Variants in TNPO3 observed in about 807,000 individuals in gnomAD.
TNPO3 encodes the protein transportin 3, also known as transportin-3.
A neutral mutation model predicts 122.8 loss-of-function variants in TNPO3; 65 were observed. That is an observed-to-expected ratio of 0.53 (90% CI 0.43 to 0.65). The LOEUF (loss-of-function observed/expected upper bound fraction) is 0.65, where lower values mean the gene tolerates loss of function less well. TNPO3 is among the 30% of genes least tolerant of loss of function. TNPO3 has a pLI of 0.00. For synonymous variants in TNPO3, 372 were observed against 411.2 expected (o/e 0.90, Z 1.15); for missense variants, 850 against 1,136.7 (o/e 0.75, Z 3.63).
At chr7:129,015,229 AG>A (rs1342530688) in intron 3 of TNPO3, 94 bp from the exon 4 acceptor site, 32 of 1,283,038 alleles carry the variant, frequency 2.5e-5, no homozygotes, top group Non-Finnish European at 3.4e-5. Context: ...CAACAACAAA[AG>A]CAACATTCCC....
intron 5 of TNPO3, among the ~76,000 whole-genome samples, chr7:129,003,227 AAAAT>A (rs1584565979): frequency 6.6e-6 from 1 of 151,416 alleles, no homozygotes; most frequent in South Asian, 2.1e-4. Flanking sequence ...CTCTGTCTCA[AAAAT>A]AAATAAATAA....
At chr7:128,998,248 TA>T (rs1239976634) in intron 7 of TNPO3, among the ~76,000 whole-genome samples, 2 of 152,028 alleles carry the variant, frequency 1.3e-5, no homozygotes, top group African/African-American at 4.8e-5. Flanking sequence ...TATTCCCAGC[TA>T]CTCAGGAGGC....
chr7:128,980,783 T>C (rs1164293650), intron 14 of TNPO3, among the ~76,000 whole-genome samples: 1 of 152,172 alleles, frequency 6.6e-6, no homozygotes, highest in Non-Finnish European at 1.5e-5. Flanking sequence ...CAAAAAAATA[T>C]ACACAGGTTG....
At chr7:129,000,666 T>A in intron 6 of TNPO3, 99 bp from the exon 7 acceptor site, 1 of 1,207,282 alleles carries the variant, frequency 8.3e-7, no homozygotes, top group Non-Finnish European at 1.2e-6. Flanking sequence ...TTCCTCAGTC[T>A]AAGGGACATC....
chr7:128,979,014 G>A lies in TNPO3; in HGVS notation c.2030C>T (p.Ser677Phe). 1 of 1,614,178 alleles carries A rather than the reference G, an allele frequency of 6.2e-7. No individual in the cohort carries two copies. Among genetic ancestry groups the A allele is most frequent in the Non-Finnish European group, 8.5e-7 (1 of 1,180,014 alleles). Reference sequence around the variant, plus strand: ...GACTAGTGGCTGCAGCAGTGCTGCAGATCCTTTGCCTACACAGCGAACAGC... The same window carrying A: ...GACTAGTGGCTGCAGCAGTGCTGCAAATCCTTTGCCTACACAGCGAACAGC... ...RFAVRCVGKG[S>F]AALLQPLVTQ... Residue 677 changes from serine to phenylalanine, a missense_variant, in exon 16 of 23, where the codon TCT becomes TTT. Transcript: ENST00000265388.
chr7:129,019,956 A>G (rs1474731233), intron 1 of TNPO3, among the ~76,000 whole-genome samples: 1 of 152,064 alleles, frequency 6.6e-6, no homozygotes, highest in East Asian at 1.9e-4. Flanking sequence ...AGATTACACC[A>G]CCACACTCCA....
intron 21 of TNPO3, among the ~76,000 whole-genome samples, chr7:128,966,432 G>A (rs552092246): frequency 6.6e-6 from 1 of 152,222 alleles, no homozygotes; most frequent in African/African-American, 2.4e-5. Context: ...AAGACTATCA[G>A]GGCAAAGGAA....
chr7:129,021,728 G>A (rs1306085929), intron 1 of TNPO3, among the ~76,000 whole-genome samples: 1 of 152,058 alleles, frequency 6.6e-6, no homozygotes, highest in African/African-American at 2.4e-5. Flanking sequence ...TAAAAACCTA[G>A]CCTATTACTT....
intron 4 of TNPO3, among the ~76,000 whole-genome samples, chr7:129,005,919 T>C (rs1459781915): frequency 6.6e-6 from 1 of 151,778 alleles, no homozygotes; most frequent in African/African-American, 2.4e-5. Flanking sequence ...GTGGCTGGGA[T>C]TACAGATGCA....
chr7:129,028,404 A>C (rs1178443328), intron 1 of TNPO3, among the ~76,000 whole-genome samples: 1 of 152,186 alleles, frequency 6.6e-6, no homozygotes, highest in Non-Finnish European at 1.5e-5. Flanking sequence ...CTTACATTAA[A>C]AAAGAAAAAA....
chr7:129,008,782 G>A, intron 4 of TNPO3, among the ~76,000 whole-genome samples: 1 of 152,164 alleles, frequency 6.6e-6, no homozygotes, highest in East Asian at 1.9e-4. Context: ...AATCTTTGAT[G>A]CTGTTGATAT....
chr7:128,992,487 A>G (rs991080001), intron 9 of TNPO3, among the ~76,000 whole-genome samples: 2 of 152,168 alleles, frequency 1.3e-5, no homozygotes, highest in Non-Finnish European at 2.9e-5. Flanking sequence ...TGTTTTAACT[A>G]CTTGTCTGCA....
At chr7:129,024,894 C>T (rs1804927502) in intron 1 of TNPO3, among the ~76,000 whole-genome samples, 1 of 152,046 alleles carries the variant, frequency 6.6e-6, no homozygotes. Context: ...CCCAGCTACT[C>T]AGGAGGCTGA....
chr7:129,032,800 A>C (rs1806103183), intron 1 of TNPO3, among the ~76,000 whole-genome samples: 1 of 152,200 alleles, frequency 6.6e-6, no homozygotes, highest in African/African-American at 2.4e-5. Context: ...TACAGATTCA[A>C]TGTAACCTTC....
intron 1 of TNPO3, among the ~76,000 whole-genome samples, chr7:129,046,073 C>T (rs1808003191): frequency 6.6e-6 from 1 of 151,706 alleles, no homozygotes; most frequent in Non-Finnish European, 1.5e-5. Flanking sequence ...GTGGCATGCA[C>T]CTGTAATCCC....
intron 9 of TNPO3, among the ~76,000 whole-genome samples, chr7:128,992,574 G>C (rs1800857174): frequency 6.6e-6 from 1 of 151,988 alleles, no homozygotes; most frequent in Admixed American, 6.6e-5. Flanking sequence ...TATCCAAGCA[G>C]AATTAATTTT....
chr7:129,002,329 T>C (rs570955881), intron 5 of TNPO3, among the ~76,000 whole-genome samples: 1 of 152,266 alleles, frequency 6.6e-6, no homozygotes, highest in East Asian at 1.9e-4. Flanking sequence ...AGTCCCAAGA[T>C]GACAGGGAGT....
intron 1 of TNPO3, among the ~76,000 whole-genome samples, chr7:129,034,705 T>G (rs1404562409): frequency 2.0e-5 from 3 of 147,744 alleles, no homozygotes; most frequent in Admixed American, 6.8e-5. Flanking sequence ...CTAGCTAACA[T>G]GGTGAAACCC....
Position 129,005,055 on chromosome 7 carries a change from C to T in TNPO3, c.657G>A (p.Met219Ile). ...FNLGVLDSNFMANNKLLALLF... is the reference protein window; with the variant it reads ...FNLGVLDSNFIANNKLLALLF... Reference sequence around the variant, plus strand: ...GGAGTGCTAGTAATTTATTGTTAGCCATGAAGTTACTGTCCAAAACTCCCA... The same window carrying T: ...GGAGTGCTAGTAATTTATTGTTAGCTATGAAGTTACTGTCCAAAACTCCCA... The change falls in exon 5 of 23, where the codon ATG (methionine) becomes ATA (isoleucine). Residue 219 changes from methionine to isoleucine, a missense_variant. Met to Ile is a conservative substitution (Grantham distance 10). Coordinates refer to ENST00000265388, the MANE Select transcript of TNPO3 (RefSeq NM_012470.4). 6.2e-7 allele frequency: 1 copy of T among 1,613,758 alleles called. No individual in the cohort carries two copies. The highest frequency in any genetic ancestry group is 8.5e-7 in the Non-Finnish European group (1 of 1,179,832).
Sources: allele counts gnomAD v4.1 joint callset (sites outside exome capture counted in the v4.1 genomes callset), GRCh38; gene constraint gnomAD v4.1.1; transcripts MANE v1.5; gene names NCBI Gene and HGNC (gene_info 2026-07-23, HGNC 2026-07-21).